Variants in ANKRD12 observed in about 807,000 individuals in gnomAD.
The protein encoded by ANKRD12 is ankyrin repeat domain 12.
A neutral mutation model predicts 183.4 loss-of-function variants in ANKRD12; 85 were observed. The observed-to-expected ratio is 0.46, with a 90% CI of 0.39 to 0.56. ANKRD12 has a LOEUF of 0.56. Ranked by LOEUF, ANKRD12 falls within the 20% of genes least tolerant of loss-of-function variation. ANKRD12 has a pLI of 0.00. For missense variants in ANKRD12, 2,405 were observed against 2,357.1 expected, an observed-to-expected ratio of 1.02 and a Z score of -0.42; for synonymous variants, 914 against 800.2, an observed-to-expected ratio of 1.14 and a Z score of -2.40.
At chr18:9,199,236 T>C (rs2035025772) in intron 3 of ANKRD12, among the ~76,000 whole-genome samples, 3 of 152,092 alleles carry the variant, frequency 2.0e-5, no homozygotes, top group Admixed American at 1.3e-4. Context: ...GAGGCTACAG[T>C]GAGCTGTGAT....
At position 9,221,863 on chromosome 18, in the gene ANKRD12, G is replaced by T; in HGVS notation, c.807G>T (p.Leu269=). The T allele has an allele frequency of 6.2e-7, 1 of 1,613,820 alleles. No individual in the cohort carries two copies. The highest frequency in any genetic ancestry group is 8.5e-7 in the Non-Finnish European group (1 of 1,179,812). Residue 269 remains leucine (L), a synonymous_variant, in exon 8 of 13, where the codon CTG becomes CTT. Transcript: ENST00000262126. ...ASSGHRDIVK[L]LLRHGGNPFQ... The stretch of plus-strand genomic sequence containing the variant: ...TTTTATTGTTGCAGATAGTAAAGCT[G>T]TTACTTCGTCACGGTGGAAATCCAT...
At chr18:9,251,942 A>T (rs149113655) in intron 8 of ANKRD12, among the ~76,000 whole-genome samples, 71 of 152,384 alleles carry the variant, frequency 4.7e-4, no homozygotes, top group African/African-American at 1.6e-3. Context: ...AAAAATTTTT[A>T]AAGAGCGTTT....
intron 1 of ANKRD12, among the ~76,000 whole-genome samples, chr18:9,180,726 T>C (rs2033640631): frequency 6.6e-6 from 1 of 152,196 alleles, no homozygotes; most frequent in African/African-American, 2.4e-5. Context: ...GTGATTTTTA[T>C]TGTTACTGCT....
intron 1 of ANKRD12, among the ~76,000 whole-genome samples, chr18:9,142,174 A>G (rs1179040153): frequency 6.6e-5 from 10 of 152,228 alleles, no homozygotes; most frequent in Non-Finnish European, 1.5e-4. Context: ...GACTTCTAAT[A>G]GAGAACAAAA....
In ANKRD12 at chr18:9,254,740, A is replaced by G. The variant is rs1042161380; in HGVS notation, c.1473A>G (p.Glu491=). ...AAGAGAACCAAGAGCTAAAGCAAGA[A>G]AAGGAAGGAAAAGAAAATACAAGAA... ...KNKENQELKQ[E]KEGKENTRIT... The change falls in exon 9 of 13, where the codon GAA becomes GAG. Residue 491 remains glutamate, a synonymous_variant. Coordinates refer to ENST00000262126, the MANE Select transcript of ANKRD12 (RefSeq NM_015208.5). 8.1e-6 allele frequency: 12 copies of G among 1,485,526 alleles called. No individual in the cohort carries two copies. The highest frequency in any genetic ancestry group is 1.1e-5 in the Non-Finnish European group (12 of 1,119,164). 92.0% of individuals were successfully genotyped at this position (1,485,526 alleles called of 1,614,324 possible). A position where few individuals can be genotyped will look rare whatever the true frequency, so the allele number is the denominator to read the frequency against.
intron 6 of ANKRD12, 139 bp from the exon 7 acceptor site, chr18:9,216,619 A>G: frequency 1.3e-6 from 1 of 755,490 alleles, no homozygotes; most frequent in East Asian, 2.8e-5. Flanking sequence ...ATTTATTTTT[A>G]GTAGCTTCTT....
At chr18:9,203,694 A>G (rs1310227664) in intron 3 of ANKRD12, among the ~76,000 whole-genome samples, 1 of 152,032 alleles carries the variant, frequency 6.6e-6, no homozygotes, top group Non-Finnish European at 1.5e-5. Flanking sequence ...AACCCCGGCC[A>G]CCTGGGTTCA....
chr18:9,230,163 A>T (rs2036960242), intron 8 of ANKRD12, among the ~76,000 whole-genome samples: 1 of 152,062 alleles, frequency 6.6e-6, no homozygotes, highest in Non-Finnish European at 1.5e-5. Flanking sequence ...ACTTTTTATT[A>T]CTGAATTGGT....
intron 1 of ANKRD12, among the ~76,000 whole-genome samples, chr18:9,168,508 G>C (rs907529448): frequency 1.3e-5 from 2 of 152,200 alleles, no homozygotes; most frequent in Non-Finnish European, 2.9e-5. Flanking sequence ...TATTTGTATA[G>C]TGGTGTTTAT....
At position 9,260,643 on chromosome 18, in the gene ANKRD12, G is replaced by A. The variant is rs568641561; in HGVS notation, c.5664+1712G>A. On this transcript the variant is annotated intron_variant, in intron 9 of 12. Transcript: ENST00000262126. Reference sequence around the variant, plus strand: ...GTGCATCCATGAGAAGCTGTCAGGGGAGCGAGTATTCTCAAGACTCCTGGG... The same window carrying A: ...GTGCATCCATGAGAAGCTGTCAGGGAAGCGAGTATTCTCAAGACTCCTGGG... 7.9e-5 allele frequency among the ~76,000 whole-genome samples: 12 copies of A among 152,274 alleles called. No homozygotes were observed. The South Asian group carries it at 8.3e-4, about 11-fold the overall frequency.
At position 9,254,934 on chromosome 18, in the gene ANKRD12, C is replaced by T; in HGVS notation, c.1667C>T (p.Thr556Ile). The T allele has an allele frequency of 2.5e-6, 4 of 1,589,478 alleles. No individual in the cohort carries two copies. Among genetic ancestry groups the T allele is most frequent in the South Asian group, 1.2e-5 (1 of 85,658 alleles). ...TGTGGATTAAGTGAAAAACAGTCAA[C>T]ACCACTAAAACAAGAACATACTAAA... The part of the protein sequence containing the change: ...HSCGLSEKQS[T>I]PLKQEHTKTC... Residue 556 changes from threonine to isoleucine, a missense_variant, in exon 9 of 13, where the codon ACA becomes ATA. By Grantham distance (89) the Thr-to-Ile change is moderately conservative. This residue lies in a region of ANKRD12 where 1,983 missense variants were observed against 1,725.9 expected (regional missense o/e 1.15). Transcript: ENST00000262126.
intron 2 of ANKRD12, among the ~76,000 whole-genome samples, chr18:9,185,547 T>G (rs957115210): frequency 2.0e-5 from 3 of 152,174 alleles, no homozygotes; most frequent in African/African-American, 7.2e-5. Flanking sequence ...CTGGGAACAT[T>G]CAAGTAGAAA....
At chr18:9,177,244 C>T (rs2033344699) in intron 1 of ANKRD12, among the ~76,000 whole-genome samples, 1 of 152,184 alleles carries the variant, frequency 6.6e-6, no homozygotes, top group African/African-American at 2.4e-5. Context: ...GTGAAGGACT[C>T]TTCTTAGCCG....
Position 9,208,644 on chromosome 18 carries a change from T to A in ANKRD12, c.305-13T>A. The A allele has an allele frequency of 6.3e-7, 1 of 1,589,872 alleles. No individual in the cohort carries two copies. The highest frequency in any genetic ancestry group is 8.5e-7 in the Non-Finnish European group (1 of 1,171,626). On this transcript the variant is annotated splice_polypyrimidine_tract_variant and intron_variant, in intron 4 of 12. Coordinates refer to ENST00000262126, the MANE Select transcript of ANKRD12 (RefSeq NM_015208.5). The stretch of plus-strand genomic sequence containing the variant: ...TTTGTTTCAAATTCTTACATATTTG[T>A]TAATAATTCCAGAGAAAGAAGGTCC...
Position 9,211,015 on chromosome 18 carries a change from T to TA in ANKRD12, c.452-566dup, listed in dbSNP as rs984461293. Among the ~76,000 whole-genome samples, 19 of 151,600 alleles carry TA rather than the reference T, an allele frequency of 1.3e-4. No homozygotes were observed. The South Asian group carries it at 1.5e-3, about 12-fold the overall frequency. ...ATCATCTAATTTAACTTTTTTTTTT[T>TA]AAATATAGAAACTAGAACAAATATC... On this transcript the variant is annotated intron_variant, in intron 5 of 12. Coordinates refer to ENST00000262126, the MANE Select transcript of ANKRD12 (RefSeq NM_015208.5).
At position 9,255,900 on chromosome 18, in the gene ANKRD12, C is replaced by T. The variant is rs747357122; in HGVS notation, c.2633C>T (p.Thr878Ile). ...KEKDKLYSHH[T>I]EKCHKEGEKS... ...AAGGACAAGCTATATTCGCATCACACAGAAAAATGCCATAAAGAAGGTGAG... is the reference window on the plus strand; with the variant it reads ...AAGGACAAGCTATATTCGCATCACATAGAAAAATGCCATAAAGAAGGTGAG... The change falls in exon 9 of 13, where the codon ACA becomes ATA. Residue 878 changes from threonine (T) to isoleucine (I), a missense_variant. Around this residue, in one of 7 missense-constraint regions of ANKRD12, gnomAD observed 1,983 missense variants for 1,725.9 expected, o/e 1.15. Transcript: ENST00000262126. The T allele has an allele frequency of 6.3e-7, 1 of 1,592,828 alleles. No individual in the cohort carries two copies. The highest frequency in any genetic ancestry group is 8.5e-7 in the Non-Finnish European group (1 of 1,174,200).
chr18:9,139,878 C>T (rs1180896100), intron 1 of ANKRD12, among the ~76,000 whole-genome samples: 2 of 151,834 alleles, frequency 1.3e-5, no homozygotes, highest in African/African-American at 4.8e-5. Flanking sequence ...TAAAGCTAGT[C>T]TGCAGCTAGT....
chr18:9,191,210 A>G (rs2144335139), intron 2 of ANKRD12, among the ~76,000 whole-genome samples: 1 of 152,372 alleles, frequency 6.6e-6, no homozygotes, highest in East Asian at 1.9e-4. Context: ...AATAAACCTA[A>G]CAGAGTTATG....
At chr18:9,275,780 A>T in intron 11 of ANKRD12, 113 bp downstream of exon 11, 1 of 1,105,776 alleles carries the variant, frequency 9.0e-7, no homozygotes, top group Non-Finnish European at 1.2e-6. Flanking sequence ...TTAAAGGTCA[A>T]AGAAGAAAAA....
Sources: gnomAD v4.1 joint callset for allele counts (sites outside exome capture counted in the v4.1 genomes callset) on GRCh38, gnomAD v4.1.1 for gene constraint, gnomAD v4.1.1 regional missense constraint, MANE v1.5 for transcripts, NCBI Gene and HGNC (gene_info 2026-07-23, HGNC 2026-07-21) for gene names.